ADH5: variants seen among roughly 807,000 people sequenced by gnomAD.
The protein encoded by ADH5 is alcohol dehydrogenase class-3.
ADH5 carries 32 observed loss-of-function variants against 40.3 expected under a neutral mutation model. The ratio of observed to expected loss-of-function variants is 0.79; its 90% confidence interval spans 0.60 to 1.07. The LOEUF (loss-of-function observed/expected upper bound fraction) is 1.07, where lower values mean the gene tolerates loss of function less well. Among genes scored for constraint, ADH5 ranks in the 50% least tolerant of loss-of-function variants. The probability of loss-of-function intolerance (pLI) is 0.00; values close to 1 mark genes in which losing one functional copy is unlikely to be tolerated. For synonymous variants in ADH5, 125 were observed against 154.3 expected (o/e 0.81, Z 1.41); for missense variants, 353 against 460.5 (o/e 0.77, Z 2.14).
At chr4:99,077,193 C>G (rs1308852093) in intron 4 of ADH5, among the ~76,000 whole-genome samples, 2 of 152,090 alleles carry the variant, frequency 1.3e-5, no homozygotes, top group Non-Finnish European at 2.9e-5. Flanking sequence ...AAAGGTACAA[C>G]TTATGGATCA....
intron 2 of ADH5, among the ~76,000 whole-genome samples, chr4:99,083,386 G>A (rs1210623147): frequency 6.6e-6 from 1 of 151,992 alleles, no homozygotes; most frequent in African/African-American, 2.4e-5. Flanking sequence ...GATCACTTGA[G>A]GTCAGTAGTT....
In ADH5 at chr4:99,074,763, C is replaced by T. The variant is rs1727891381; in HGVS notation, c.961+151G>A. On this transcript the variant is annotated intron_variant, in intron 7 of 8. Coordinates refer to ENST00000296412, the MANE Select transcript of ADH5 (RefSeq NM_000671.4). ...AATAGTGATTGAGTCTGAATCCCTT[C>T]TAATAAAACAGCCTTGCATGCAACA... 11 of 960,118 alleles carry T rather than the reference C, an allele frequency of 1.1e-5. No individual in the cohort carries two copies. The South Asian group carries it at 2.3e-4, about 20-fold the overall frequency. 59.5% of individuals were successfully genotyped at this position (960,118 alleles called of 1,614,324 possible). A position where few individuals can be genotyped will look rare whatever the true frequency, so the allele number is the denominator to read the frequency against.
intron 1 of ADH5, among the ~76,000 whole-genome samples, chr4:99,086,560 AC>A (rs1331732804): frequency 1.3e-5 from 2 of 152,206 alleles, no homozygotes; most frequent in African/African-American, 4.8e-5. Flanking sequence ...TTCACTTCTA[AC>A]CAGGATACTG....
At position 99,082,112 on chromosome 4, in the gene ADH5, A is replaced by G. The variant is rs1181685777; in HGVS notation, c.119T>C (p.Ile40Thr). The stretch of plus-strand genomic sequence containing the variant: ...ATCGGTGTGGCAAACCGCAGTGGCA[A>G]TGATCTATCAGGACATTAAAACAAC... ...PKAHEVRIKI[I>T]ATAVCHTDAY... is the part of the protein sequence containing the mutation. The change falls in exon 3 of 9, where the codon ATT (isoleucine) becomes ACT (threonine). Residue 40 changes from isoleucine to threonine, a missense_variant. Physicochemically the swap from Ile to Thr is moderately conservative, Grantham distance 89. Transcript: ENST00000296412. 1.8e-5 allele frequency: 29 copies of G among 1,613,824 alleles called. No homozygotes were observed. Among genetic ancestry groups the G allele is most frequent in the Non-Finnish European group, 2.3e-5 (27 of 1,179,786 alleles).
In ADH5 at chr4:99,079,124, C is replaced by T. The variant is rs966823522; in HGVS notation, c.345-2201G>A. On this transcript the variant is annotated intron_variant, in intron 4 of 8. Transcript: ENST00000296412. ...GAGAGAGCTGTAGATGCATATCTTA[C>T]GACTCAGCAATTATAATCTCAAGAA... 3.9e-5 allele frequency among the ~76,000 whole-genome samples: 6 copies of T among 152,178 alleles called. No homozygotes were observed. The East Asian group carries it at 5.8e-4, about 15-fold the overall frequency.
At position 99,081,455 on chromosome 4, in the gene ADH5, G is replaced by A. The variant is rs759881489; in HGVS notation, c.257-3C>T. The A allele has an allele frequency of 3.8e-6, 6 of 1,596,040 alleles. No homozygotes were observed. The highest frequency in any genetic ancestry group is 3.4e-6 in the Non-Finnish European group (4 of 1,167,330). The stretch of plus-strand genomic sequence containing the variant: ...GTAAAGTGGGATGACAGTGTCACCT[G>A]GAAACAAATGCAAAGACATCCTGAA... On this transcript the variant is annotated splice_region_variant and splice_polypyrimidine_tract_variant and intron_variant, in intron 3 of 8. Coordinates refer to ENST00000296412, the MANE Select transcript of ADH5 (RefSeq NM_000671.4).
intron 2 of ADH5, among the ~76,000 whole-genome samples, chr4:99,082,997 C>A (rs1185195160): frequency 6.6e-6 from 1 of 152,084 alleles, no homozygotes; most frequent in Non-Finnish European, 1.5e-5. Flanking sequence ...TTTAAAGCCA[C>A]CAAAAGCACA....
intron 4 of ADH5, chr4:99,080,062 C>T (rs966999862): frequency 4.8e-6 from 2 of 418,704 alleles, no homozygotes; most frequent in South Asian, 3.5e-5. Flanking sequence ...GTACACAGTA[C>T]TGAATTCACA....
At chr4:99,081,253 G>A in intron 4 of ADH5, 112 bp downstream of exon 4, 1 of 735,158 alleles carries the variant, frequency 1.4e-6, no homozygotes, top group Non-Finnish European at 2.3e-6. Context: ...TAATCCGACT[G>A]GGTTAATGAA....
chr4:99,083,596 T>C (rs1721948100), intron 2 of ADH5, among the ~76,000 whole-genome samples: 1 of 97,946 alleles, frequency 1.0e-5, no homozygotes, highest in Non-Finnish European at 2.1e-5. Context: ...TGAAACTCTG[T>C]CTCCAAAAAA....
chr4:99,084,314 G>C (rs1728087228), intron 2 of ADH5, among the ~76,000 whole-genome samples: 1 of 152,158 alleles, frequency 6.6e-6, no homozygotes, highest in Non-Finnish European at 1.5e-5. Context: ...AAAGAAGCCA[G>C]CAAAAACCCA....
In ADH5 at chr4:99,076,375, T is replaced by A; in HGVS notation, c.742A>T (p.Lys248Ter). ...TCAATGAGCACTTCCTGGATGGGTT[T>A]ACTAAAATCCTGAGGGTTAATACAT... is the stretch of plus-strand genomic sequence containing the variant. ...TECINPQDFSKPIQEVLIEMT... is the reference protein window; with the variant it reads ...TECINPQDFS Residue 248 changes from lysine to a stop codon, truncating the protein, a stop_gained, in exon 6 of 9, where the codon AAA (lysine) becomes TAA (stop). Transcript: ENST00000296412. LOFTEE classifies it high-confidence loss of function. The A allele has an allele frequency of 2.2e-5, 36 of 1,614,200 alleles. No individual in the cohort carries two copies. Among genetic ancestry groups the A allele is most frequent in the Non-Finnish European group, 3.1e-5 (36 of 1,180,034 alleles).
chr4:99,082,697 A>C (rs969075728), intron 2 of ADH5, among the ~76,000 whole-genome samples: 1 of 151,702 alleles, frequency 6.6e-6, no homozygotes, highest in Non-Finnish European at 1.5e-5. Context: ...TTTTTTTGGG[A>C]CAAGAGTCTC....
intron 3 of ADH5, 184 bp downstream of exon 3, chr4:99,081,791 C>A: frequency 2.7e-6 from 2 of 749,320 alleles, no homozygotes; most frequent in South Asian, 2.7e-5. Flanking sequence ...AAACAGTAGT[C>A]TGCAAAATCA....
Position 99,088,679 on chromosome 4 carries a change from C to A in ADH5, c.12+10G>T. The stretch of plus-strand genomic sequence containing the variant: ...CTTGGACTCAGGGCCCTCCGCTCAA[C>A]GGGCCCTACCTCGTTCGCCATGTTC... On this transcript the variant is annotated intron_variant, in intron 1 of 8. Transcript: ENST00000296412. 1.9e-6 allele frequency: 3 copies of A among 1,605,606 alleles called. No individual in the cohort carries two copies. The highest frequency in any genetic ancestry group is 2.6e-6 in the Non-Finnish European group (3 of 1,175,128).
rs1189423870 is a variant in ADH5, at chr4:99,072,462, C to T, written c.1101-21G>A. ...GAATGCTGTAAAAGGAAGCAACATA[C>T]TAAGTTTTAAATGATACCTTTAAGA... On this transcript the variant is annotated intron_variant, in intron 8 of 8. Coordinates refer to ENST00000296412, the MANE Select transcript of ADH5 (RefSeq NM_000671.4). 4.3e-6 allele frequency: 7 copies of T among 1,612,702 alleles called. No homozygotes were observed. The African/African-American group carries it at 6.7e-5, about 15-fold the overall frequency.
At chr4:99,085,936 C>T (rs1219573128) in intron 1 of ADH5, among the ~76,000 whole-genome samples, 1 of 152,114 alleles carries the variant, frequency 6.6e-6, no homozygotes, top group Non-Finnish European at 1.5e-5. Flanking sequence ...ACTCAGGAGG[C>T]TGAGGCAGGA....
At chr4:99,072,810 G>T in intron 7 of ADH5, 99 bp from the exon 8 acceptor site, 2 of 1,115,232 alleles carry the variant, frequency 1.8e-6, no homozygotes, top group Non-Finnish European at 2.6e-6. Context: ...ATTTTTTGAT[G>T]AGTTAAAGAG....
rs543918296 is a variant in ADH5 at position 99,084,448 on chromosome 4, G to A, written c.114+667C>T. 3.3e-5 allele frequency among the ~76,000 whole-genome samples: 5 copies of A among 152,300 alleles called. No individual in the cohort carries two copies. In the South Asian group the frequency reaches 8.3e-4, roughly 25 times the overall value. ...GTGCCACGAGTTTACAAATGCCATG[G>A]CAATGTCATGAAGTTACCCTATATG... On this transcript the variant is annotated intron_variant, in intron 2 of 8. Coordinates refer to ENST00000296412, the MANE Select transcript of ADH5 (RefSeq NM_000671.4).
Sources: allele counts gnomAD v4.1 joint callset (sites outside exome capture counted in the v4.1 genomes callset), GRCh38; gene constraint gnomAD v4.1.1; transcripts MANE v1.5; gene names NCBI Gene and HGNC (gene_info 2026-07-23, HGNC 2026-07-21).